The following PPFIBP1 variants were observed in gnomAD, a reference collection of about 807,000 sequenced individuals.
PPFIBP1 encodes liprin-beta-1.
A neutral mutation model predicts 137.8 loss-of-function variants in PPFIBP1; 112 were observed. The observed-to-expected ratio is 0.81, with a 90% CI of 0.70 to 0.95. The LOEUF (loss-of-function observed/expected upper bound fraction) is 0.95, where lower values mean the gene tolerates loss of function less well. Ranked by LOEUF, PPFIBP1 falls within the 40% of genes least tolerant of loss-of-function variation. The pLI, the probability that PPFIBP1 is intolerant of heterozygous loss-of-function variation, is 0.00. For missense variants in PPFIBP1, 1,083 were observed against 1,196.6 expected, an observed-to-expected ratio of 0.91 and a Z score of 1.40; for synonymous variants, 378 against 417.3, an observed-to-expected ratio of 0.91 and a Z score of 1.15.
rs528305427 is a variant in PPFIBP1 at position 27,669,011 on chromosome 12, G to A, written c.1146+1691G>A. Among the ~76,000 whole-genome samples, 9 of 152,194 alleles carry A rather than the reference G, an allele frequency of 5.9e-5. 1 individual carries two copies. The East Asian group carries it at 7.7e-4, about 13-fold the overall frequency. On this transcript the variant is annotated intron_variant, in intron 13 of 29. Coordinates refer to ENST00000228425, the MANE Select transcript of PPFIBP1 (RefSeq NM_003622.4). Reference sequence around the variant, plus strand: ...TAATTTTTTTTTGTCTAGAAAGACCGGGAATGGGAAATAGTTTCATTGTTT... The same window carrying A: ...TAATTTTTTTTTGTCTAGAAAGACCAGGAATGGGAAATAGTTTCATTGTTT...
intron 1 of PPFIBP1, among the ~76,000 whole-genome samples, chr12:27,535,191 G>T (rs1213650963): frequency 1.3e-5 from 2 of 152,086 alleles, no homozygotes; most frequent in South Asian, 4.2e-4. Flanking sequence ...GCTGTTAAAG[G>T]TACTAAAATA....
intron 1 of PPFIBP1, among the ~76,000 whole-genome samples, chr12:27,527,899 G>A (rs1428848350): frequency 6.6e-6 from 1 of 152,128 alleles, no homozygotes; most frequent in Non-Finnish European, 1.5e-5. Context: ...GCGAGTCAAA[G>A]CTGTTAGGGT....
chr12:27,608,562 C>T (rs982539805), intron 2 of PPFIBP1, among the ~76,000 whole-genome samples: 3 of 152,330 alleles, frequency 2.0e-5, no homozygotes, highest in African/African-American at 7.2e-5. Flanking sequence ...GATTTCACCT[C>T]TTAAGTAAAA....
chr12:27,591,563 C>G (rs191321432), intron 2 of PPFIBP1, among the ~76,000 whole-genome samples: 12 of 152,194 alleles, frequency 7.9e-5, no homozygotes, highest in African/African-American at 2.9e-4. Flanking sequence ...TTAACTCTCA[C>G]TCTTGGATAT....
At chr12:27,679,838 T>C in intron 20 of PPFIBP1, 95 bp from the exon 21 acceptor site, 1 of 1,483,170 alleles carries the variant, frequency 6.7e-7, no homozygotes, top group South Asian at 1.3e-5. Flanking sequence ...ACAAAGAGGA[T>C]TAGTTCCAGT....
At chr12:27,595,910 TATATATATATA>T (rs1565838363) in intron 2 of PPFIBP1, among the ~76,000 whole-genome samples, 2 of 132,876 alleles carry the variant, frequency 1.5e-5, no homozygotes, top group Non-Finnish European at 1.7e-5. Flanking sequence ...TATATATATA[TATATATATATA>T]TTTTATGCCC....
At chr12:27,652,019 G>A (rs758474554) in intron 7 of PPFIBP1, among the ~76,000 whole-genome samples, 16 of 152,006 alleles carry the variant, frequency 1.1e-4, no homozygotes, top group Non-Finnish European at 2.4e-4. Flanking sequence ...GCACAGACCC[G>A]GAGATTAGAG....
intron 5 of PPFIBP1, among the ~76,000 whole-genome samples, chr12:27,647,502 A>G (rs534240196): frequency 1.6e-4 from 25 of 152,290 alleles, no homozygotes; most frequent in East Asian, 5.8e-4. Context: ...TACATTCCTA[A>G]TCTACACGAA....
chr12:27,648,620 T>A (rs900954344), intron 6 of PPFIBP1, among the ~76,000 whole-genome samples: 2 of 152,078 alleles, frequency 1.3e-5, no homozygotes, highest in Admixed American at 6.5e-5. Context: ...AACAAATGAC[T>A]GGATAAAGAA....
intron 1 of PPFIBP1, among the ~76,000 whole-genome samples, chr12:27,570,849 C>T (rs2050083728): frequency 6.6e-6 from 1 of 152,072 alleles, no homozygotes; most frequent in East Asian, 1.9e-4. Context: ...GGAGGCAGAG[C>T]TTGCAGTTAG....
chr12:27,593,107 G>A (rs2052722216), intron 2 of PPFIBP1, among the ~76,000 whole-genome samples: 1 of 137,748 alleles, frequency 7.3e-6, no homozygotes, highest in South Asian at 2.5e-4. Context: ...ACTCCAGCCT[G>A]GGCAACGGAG....
chr12:27,692,983 T>C lies in PPFIBP1; in HGVS notation c.*101T>C. 6.7e-7 allele frequency: 1 copy of C among 1,503,250 alleles called. No homozygotes were observed. Among genetic ancestry groups the C allele is most frequent in the Middle Eastern group, 1.8e-4 (1 of 5,684 alleles). 93.1% of individuals were successfully genotyped at this position (1,503,250 alleles called of 1,614,324 possible). ...AACAGGCAGCGGATTGTCTATTGTTTGTTGTTCCAACTTCTGCTGTCGAGA... is the reference window on the plus strand; with the variant it reads ...AACAGGCAGCGGATTGTCTATTGTTCGTTGTTCCAACTTCTGCTGTCGAGA... On this transcript the variant is annotated 3_prime_UTR_variant, in exon 30 of 30. Coordinates refer to ENST00000228425, the MANE Select transcript of PPFIBP1 (RefSeq NM_003622.4).
chr12:27,672,442 C>T lies in PPFIBP1; in HGVS notation c.1278C>T (p.Ile426=), dbSNP rs1008378250. The T allele has an allele frequency of 2.5e-6, 4 of 1,608,202 alleles. No individual in the cohort carries two copies. In the African/African-American group the frequency reaches 4.0e-5, roughly 16 times the overall value. ...TACATTTTAGTGATGGAAACATAAT[C>T]CTTGGTGCCACTGTTGATACCCAAC... ...TSFEENDGNI[I]LGATVDTQLC... The change falls in exon 15 of 30, where the codon ATC becomes ATT. Residue 426 remains isoleucine, a synonymous_variant. Coordinates refer to ENST00000228425, the MANE Select transcript of PPFIBP1 (RefSeq NM_003622.4).
intron 17 of PPFIBP1, 85 bp downstream of exon 17, chr12:27,674,306 C>T: frequency 1.1e-6 from 1 of 935,404 alleles, no homozygotes; most frequent in Non-Finnish European, 1.6e-6. Context: ...TAGATAAAAA[C>T]TTTCAGAACC....
chr12:27,691,133 T>C (rs2061511770), intron 27 of PPFIBP1, among the ~76,000 whole-genome samples: 1 of 146,662 alleles, frequency 6.8e-6, no homozygotes, highest in Non-Finnish European at 1.5e-5. Context: ...AGTCCTGTTA[T>C]GGAAGCAGAA....
At chr12:27,546,932 G>A (rs12369659) in intron 1 of PPFIBP1, 14,131 of 152,246 alleles carry the variant, frequency 0.093, 867 homozygotes, top group South Asian at 0.27. Context: ...GGCTCAGGAG[G>A]TTGAGGCTAC....
At chr12:27,568,268 T>C (rs1423325036) in intron 1 of PPFIBP1, among the ~76,000 whole-genome samples, 4 of 152,240 alleles carry the variant, frequency 2.6e-5, no homozygotes, top group Non-Finnish European at 5.9e-5. Flanking sequence ...GAAGTTATTT[T>C]TTCATGTTTT....
At chr12:27,588,380 AATATGGT>A (rs1266640244) in intron 2 of PPFIBP1, among the ~76,000 whole-genome samples, 4 of 152,230 alleles carry the variant, frequency 2.6e-5, no homozygotes, top group Admixed American at 6.5e-5. Flanking sequence ...TGCTGGTTGC[AATATGGT>A]ACTAACTTGA....
At chr12:27,558,593 A>G (rs1174139721) in intron 1 of PPFIBP1, among the ~76,000 whole-genome samples, 1 of 105,730 alleles carries the variant, frequency 9.5e-6, no homozygotes, top group Non-Finnish European at 2.1e-5. Context: ...CCACCTCTCC[A>G]CCAACACACA....
Sources: gnomAD v4.1 joint callset for allele counts (sites outside exome capture counted in the v4.1 genomes callset) on GRCh38, gnomAD v4.1.1 for gene constraint, MANE v1.5 for transcripts, NCBI Gene and HGNC (gene_info 2026-07-23, HGNC 2026-07-21) for gene names.